ZBTB46: variants seen among roughly 807,000 people sequenced by gnomAD.
The protein encoded by ZBTB46 is zinc finger and BTB domain containing 46.
ZBTB46 carries 8 observed loss-of-function variants against 44.1 expected under a neutral mutation model. The ratio of observed to expected loss-of-function variants is 0.18; its 90% CI spans 0.11 to 0.33. The LOEUF (loss-of-function observed/expected upper bound fraction) is 0.33. Ranked by LOEUF, ZBTB46 falls within the 10% of genes least tolerant of loss-of-function variation. ZBTB46 has a pLI of 1.00. For synonymous variants in ZBTB46, 409 were observed against 382.3 expected (o/e 1.07, Z -0.81); for missense variants, 651 against 847.7 (o/e 0.77, Z 2.88).
chr20:63,789,760 G>A (rs1335578886), intron 2 of ZBTB46, 61 bp downstream of exon 2: 14 of 1,545,892 alleles, frequency 9.1e-6, no homozygotes, highest in African/African-American at 1.4e-5. Context: ...CGCACAGCAC[G>A]CGGCCGTGAG....
chr20:63,760,615 C>A (rs1195040367), intron 3 of ZBTB46, among the ~76,000 whole-genome samples: 1 of 152,026 alleles, frequency 6.6e-6, no homozygotes, highest in Non-Finnish European at 1.5e-5. Flanking sequence ...TGTCACCACA[C>A]CTGGCTAATT....
At chr20:63,806,276 G>C (rs1292352303) in intron 1 of ZBTB46, among the ~76,000 whole-genome samples, 1 of 150,842 alleles carries the variant, frequency 6.6e-6, no homozygotes, top group East Asian at 2.0e-4. Flanking sequence ...GCATGGTGAC[G>C]GGTGCCTGTA....
At chr20:63,811,832 A>C (rs2092719388) in intron 1 of ZBTB46, among the ~76,000 whole-genome samples, 1 of 152,196 alleles carries the variant, frequency 6.6e-6, no homozygotes, top group African/African-American at 2.4e-5. Flanking sequence ...AAATGTTAGA[A>C]TCACAGTCCC....
At chr20:63,796,238 C>T (rs1177638715) in intron 1 of ZBTB46, among the ~76,000 whole-genome samples, 1 of 152,216 alleles carries the variant, frequency 6.6e-6, no homozygotes, top group East Asian at 1.9e-4. Context: ...GTGATTCAGG[C>T]GGTAGTGTGT....
intron 1 of ZBTB46, among the ~76,000 whole-genome samples, chr20:63,827,373 C>T (rs898810801): frequency 1.5e-4 from 22 of 151,640 alleles, no homozygotes; most frequent in South Asian, 8.3e-4. Flanking sequence ...TTTGGGAGGC[C>T]GAGGCGGGTG....
intron 1 of ZBTB46, among the ~76,000 whole-genome samples, chr20:63,829,520 G>A (rs981412352): frequency 2.6e-5 from 4 of 152,240 alleles, no homozygotes; most frequent in African/African-American, 9.6e-5. Context: ...TTACGGAGAA[G>A]ATGTCTAGCT....
intron 1 of ZBTB46, among the ~76,000 whole-genome samples, chr20:63,806,617 CTCTT>C (rs2092683229): frequency 6.6e-6 from 1 of 152,032 alleles, no homozygotes; most frequent in Non-Finnish European, 1.5e-5. Flanking sequence ...TGGAATCTTT[CTCTT>C]TTTTTGAGAT....
chr20:63,828,696 G>T (rs2092832494), intron 1 of ZBTB46, among the ~76,000 whole-genome samples: 1 of 152,256 alleles, frequency 6.6e-6, no homozygotes, highest in Non-Finnish European at 1.5e-5. Flanking sequence ...CGTGACACTG[G>T]GTGTGCGGAT....
chr20:63,744,584 TAAA>T lies in ZBTB46; in HGVS notation c.*2343_*2345del, dbSNP rs967898839. On this transcript the variant is annotated 3_prime_UTR_variant, in exon 5 of 5. Coordinates refer to ENST00000245663, the MANE Select transcript of ZBTB46 (RefSeq NM_001369741.1). Reference sequence around the variant, plus strand: ...TCGATTTAAAAAAAAATCAGTCACATAAAAAAAACCCTTCATGACATGTCTTTT... The same window carrying T: ...TCGATTTAAAAAAAAATCAGTCACATAAAAACCCTTCATGACATGTCTTTT... 6.6e-6 allele frequency: 1 copy of T among 152,012 alleles called. No individual in the cohort carries two copies. The highest frequency in any genetic ancestry group is 6.6e-5 in the Admixed American group (1 of 15,246). 9.4% of individuals were successfully genotyped at this position (152,012 alleles called of 1,614,324 possible).
intron 1 of ZBTB46, among the ~76,000 whole-genome samples, chr20:63,823,858 TTGTGTG>T (rs11474683): frequency 9.7e-5 from 14 of 144,816 alleles, no homozygotes; most frequent in South Asian, 2.2e-4. Context: ...TCTAGGAACC[TTGTGTG>T]TGTGTGTGTG....
intron 1 of ZBTB46, among the ~76,000 whole-genome samples, chr20:63,827,437 C>T (rs1198220205): frequency 6.6e-6 from 1 of 151,860 alleles, no homozygotes; most frequent in Non-Finnish European, 1.5e-5. Flanking sequence ...GAAACCCCGT[C>T]TCTACTAAAA....
In ZBTB46 at chr20:63,801,440, T is replaced by C. The variant is rs1021179353; in HGVS notation, c.-33-10650A>G. Among the ~76,000 whole-genome samples the C allele has an allele frequency of 5.9e-5, 9 of 152,182 alleles. 1 individual carries two copies. Among genetic ancestry groups the C allele is most frequent in the Middle Eastern group, 6.3e-3 (2 of 316 alleles). On this transcript the variant is annotated intron_variant, in intron 1 of 4. Transcript: ENST00000245663. ...ACAGACCAATCAGCTCTCTGTAAAA[T>C]GGACCAATCAGCAAGATGTGGGTGG...
rs1350012834 is a variant in ZBTB46, at chr20:63,764,519, C to T, written c.1222+11159G>A. Among the ~76,000 whole-genome samples, 5 of 152,024 alleles carry T rather than the reference C, an allele frequency of 3.3e-5. No individual in the cohort carries two copies. The East Asian group carries it at 7.7e-4, about 24-fold the overall frequency. ...CTTTTGCTTTCCAGTACTTCAAAGA[C>T]GTCATTCATTGTCTTCTAGCTTCTG... On this transcript the variant is annotated intron_variant, in intron 3 of 4. Coordinates refer to ENST00000245663, the MANE Select transcript of ZBTB46 (RefSeq NM_001369741.1).
chr20:63,753,104 G>A (rs577654073), intron 3 of ZBTB46, among the ~76,000 whole-genome samples: 13 of 152,296 alleles, frequency 8.5e-5, no homozygotes, highest in African/African-American at 3.1e-4. Context: ...AGGAGCCCCA[G>A]CTCTCAGGAG....
chr20:63,754,605 C>CTT (rs869213375), intron 3 of ZBTB46, among the ~76,000 whole-genome samples: 2 of 141,820 alleles, frequency 1.4e-5, no homozygotes, highest in Non-Finnish European at 1.5e-5. Context: ...CCCAAAACAA[C>CTT]TTTTTTTTTT....
intron 1 of ZBTB46, among the ~76,000 whole-genome samples, chr20:63,798,677 A>C (rs1357471883): frequency 1.5e-5 from 2 of 136,020 alleles, no homozygotes; most frequent in South Asian, 2.6e-4. Flanking sequence ...TCTGTCTCAA[A>C]AAAAAAAAAA....
intron 1 of ZBTB46, among the ~76,000 whole-genome samples, chr20:63,810,454 C>T (rs561196219): frequency 6.6e-6 from 1 of 152,140 alleles, no homozygotes; most frequent in East Asian, 1.9e-4. Context: ...CCCTTCCCCT[C>T]GCAAACCAAG....
chr20:63,768,847 T>C (rs564843419), intron 3 of ZBTB46, among the ~76,000 whole-genome samples: 1 of 152,130 alleles, frequency 6.6e-6, no homozygotes, highest in South Asian at 2.1e-4. Flanking sequence ...GCCAGAAATG[T>C]GCAGTGACCA....
chr20:63,768,507 T>C (rs527693393), intron 3 of ZBTB46, among the ~76,000 whole-genome samples: 2 of 152,170 alleles, frequency 1.3e-5, no homozygotes, highest in East Asian at 1.9e-4. Context: ...CTTGGGAGGC[T>C]GAGGCAGGAG....
Sources: allele counts gnomAD v4.1 joint callset (sites outside exome capture counted in the v4.1 genomes callset), GRCh38; gene constraint gnomAD v4.1.1; transcripts MANE v1.5; gene names NCBI Gene and HGNC (gene_info 2026-07-23, HGNC 2026-07-21).